Variants in UBXN4 observed in about 807,000 individuals in gnomAD.
The protein encoded by UBXN4 is UBX domain protein 4.
A neutral mutation model predicts 66.2 loss-of-function variants in UBXN4; 35 were observed. That is an observed-to-expected ratio of 0.53 (90% CI 0.40 to 0.70). The LOEUF (loss-of-function observed/expected upper bound fraction) is 0.70. Ranked by LOEUF, UBXN4 falls within the 30% of genes least tolerant of loss-of-function variation. The pLI is 0.00. For synonymous variants in UBXN4, 203 were observed against 204.5 expected (o/e 0.99, Z 0.06); for missense variants, 533 against 599.8 (o/e 0.89, Z 1.16).
chr2:135,748,284 A>G lies in UBXN4; in HGVS notation c.100A>G (p.Thr34Ala). The change falls in exon 2 of 13, where the codon ACA (threonine) becomes GCA (alanine). Residue 34 changes from threonine to alanine, a missense_variant. Thr to Ala is a moderately conservative substitution (Grantham distance 58). This residue lies in a region of UBXN4 where 529 missense variants were observed against 580.1 expected (regional missense o/e 0.91). Coordinates refer to ENST00000272638, the MANE Select transcript of UBXN4 (RefSeq NM_014607.4). ...VFVAGDDEQS[T>A]QMAASWEDDK... The stretch of plus-strand genomic sequence containing the variant: ...TTTTACAGGTGATGATGAACAGTCT[A>G]CACAGATGGCTGCAAGTTGGGAAGA... The G allele has an allele frequency of 1.2e-6, 2 of 1,606,862 alleles. No homozygotes were observed. The highest frequency in any genetic ancestry group is 8.5e-7 in the Non-Finnish European group (1 of 1,176,484).
intron 5 of UBXN4, among the ~76,000 whole-genome samples, chr2:135,760,776 T>C (rs1468438837): frequency 5.3e-5 from 8 of 152,234 alleles, no homozygotes; most frequent in African/African-American, 1.9e-4. Context: ...AGTGATACAC[T>C]GGTAAACATT....
chr2:135,760,509 TAC>T (rs1268172447), intron 5 of UBXN4, among the ~76,000 whole-genome samples: 2 of 152,230 alleles, frequency 1.3e-5, no homozygotes, highest in Admixed American at 1.3e-4. Context: ...CTCTGTGACA[TAC>T]AATTGGAAAT....
chr2:135,741,879 C>G lies in UBXN4; in HGVS notation c.-51C>G. ...CGAAGACGGAGGGCGGAGCCGGCTT[C>G]GGGACTGCGGAGACTACACACCGAG... On this transcript the variant is annotated 5_prime_UTR_variant, in exon 1 of 13. Transcript: ENST00000272638. The G allele has an allele frequency of 1.3e-6, 2 of 1,566,998 alleles. No individual in the cohort carries two copies. The highest frequency in any genetic ancestry group is 1.7e-6 in the Non-Finnish European group (2 of 1,154,690).
intron 8 of UBXN4, 44 bp from the exon 9 acceptor site, chr2:135,772,376 C>T (rs377483987): frequency 7.5e-6 from 12 of 1,594,124 alleles, no homozygotes; most frequent in Non-Finnish European, 8.6e-6. Flanking sequence ...GTGAATTAAC[C>T]ATTCTGGCAG....
intron 3 of UBXN4, 66 bp downstream of exon 3, chr2:135,753,633 G>T: frequency 8.0e-7 from 1 of 1,250,920 alleles, no homozygotes. Context: ...GTTAATTTAT[G>T]AAATTTAGAA....
chr2:135,778,893 GAGTAATA>G, intron 10 of UBXN4, 48 bp from the exon 11 acceptor site: 7 of 1,520,848 alleles, frequency 4.6e-6, no homozygotes, highest in Non-Finnish European at 6.2e-6. Context: ...GGATTCATCT[GAGTAATA>G]TCTTACTTTT....
intron 1 of UBXN4, among the ~76,000 whole-genome samples, chr2:135,744,396 A>G (rs914848378): frequency 1.6e-5 from 2 of 126,918 alleles, no homozygotes; most frequent in Non-Finnish European, 3.1e-5. Flanking sequence ...TCAGCTAACA[A>G]ATTAATATGA....
intron 5 of UBXN4, 36 bp downstream of exon 5, chr2:135,755,727 G>C (rs2077275786): frequency 7.8e-7 from 1 of 1,288,982 alleles, no homozygotes; most frequent in Non-Finnish European, 1.0e-6. Flanking sequence ...TGCAATAGAA[G>C]CTCCTTCACT....
intron 9 of UBXN4, among the ~76,000 whole-genome samples, chr2:135,774,793 C>T (rs890609250): frequency 7.3e-5 from 11 of 150,928 alleles, no homozygotes; most frequent in East Asian, 5.8e-4. Flanking sequence ...TGTAGTGAAC[C>T]GAGATTGCGC....
At chr2:135,754,947 C>A (rs899947561) in intron 4 of UBXN4, among the ~76,000 whole-genome samples, 1 of 151,980 alleles carries the variant, frequency 6.6e-6, no homozygotes, top group Admixed American at 6.6e-5. Context: ...CCATGCCCAG[C>A]TAATTTTTGC....
At chr2:135,742,953 T>A (rs1336174462) in intron 1 of UBXN4, among the ~76,000 whole-genome samples, 1 of 152,234 alleles carries the variant, frequency 6.6e-6, no homozygotes, top group Non-Finnish European at 1.5e-5. Context: ...GCTATTTTGC[T>A]CCATATTCTC....
Position 135,784,311 on chromosome 2 carries a change from G to A in UBXN4, c.*1424G>A, listed in dbSNP as rs1171852536. On this transcript the variant is annotated 3_prime_UTR_variant, in exon 13 of 13. Transcript: ENST00000272638. ...GAAGTAATTTTTGATGAGGAGAAAT[G>A]GTACAATACTAATTAACAACTTGGT... 6.6e-6 allele frequency: 1 copy of A among 152,110 alleles called. No homozygotes were observed. The highest frequency in any genetic ancestry group is 1.5e-5 in the Non-Finnish European group (1 of 68,022). The allele number at this position is 152,110 out of a possible 1,614,324, so 9.4% of individuals were successfully genotyped here. A position where few individuals can be genotyped will look rare whatever the true frequency, so the allele number is the denominator to read the frequency against.
intron 1 of UBXN4, 150 bp from the exon 2 acceptor site, chr2:135,748,115 CTT>C (rs1480420723): frequency 2.0e-6 from 1 of 495,274 alleles, no homozygotes. Flanking sequence ...TGCAGTCACA[CTT>C]TTCATTTAGT....
chr2:135,762,238 C>T (rs956965658), intron 6 of UBXN4, among the ~76,000 whole-genome samples: 2 of 152,218 alleles, frequency 1.3e-5, no homozygotes, highest in Admixed American at 6.5e-5. Flanking sequence ...TGGGCAAGAA[C>T]TTCAGCTTAT....
At chr2:135,747,576 TGTGGA>T in intron 1 of UBXN4, 1 of 456,400 alleles carries the variant, frequency 2.2e-6, no homozygotes, top group South Asian at 1.5e-5. Context: ...GTATAAATGC[TGTGGA>T]GTGGAGATGT....
intron 1 of UBXN4, among the ~76,000 whole-genome samples, chr2:135,745,522 A>G (rs770327444): frequency 7.2e-5 from 11 of 152,218 alleles, no homozygotes; most frequent in African/African-American, 2.2e-4. Flanking sequence ...AAGGCAGACA[A>G]TGTCTCATTT....
At chr2:135,773,682 C>T (rs16832000) in intron 9 of UBXN4, among the ~76,000 whole-genome samples, 2 of 152,042 alleles carry the variant, frequency 1.3e-5, no homozygotes, top group South Asian at 2.1e-4. Flanking sequence ...TTCTAGTACA[C>T]CTTGCTAATT....
At chr2:135,770,445 A>G in intron 7 of UBXN4, 126 bp from the exon 8 acceptor site, 1 of 606,750 alleles carries the variant, frequency 1.6e-6, no homozygotes, top group Non-Finnish European at 2.7e-6. Flanking sequence ...CATGCCATTA[A>G]TAAACTCGTC....
intron 2 of UBXN4, among the ~76,000 whole-genome samples, chr2:135,750,146 A>T (rs1000495560): frequency 6.6e-6 from 1 of 151,940 alleles, no homozygotes; most frequent in African/African-American, 2.4e-5. Context: ...ATTATTATTT[A>T]TTTTTTTCTT....
Sources: gnomAD v4.1 joint callset for allele counts (sites outside exome capture counted in the v4.1 genomes callset) on GRCh38, gnomAD v4.1.1 for gene constraint, gnomAD v4.1.1 regional missense constraint, MANE v1.5 for transcripts, NCBI Gene and HGNC (gene_info 2026-07-23, HGNC 2026-07-21) for gene names.